MGA: variants seen among roughly 807,000 people sequenced by gnomAD.
MGA encodes the protein MAX dimerization protein MGA, also known as MAX gene-associated protein.
Under a neutral mutation model 261.1 loss-of-function variants are expected in MGA, and 40 were observed. The observed-to-expected ratio is 0.15, with a 90% CI of 0.12 to 0.20. MGA has a LOEUF of 0.20. Among genes scored for constraint, MGA ranks in the 10% least tolerant of loss-of-function variants. MGA has a pLI of 1.00. For synonymous variants in MGA, 1,302 were observed against 1,290.6 expected, an observed-to-expected ratio of 1.01 and a Z score of -0.19; for missense variants, 3,397 against 3,630.5, an observed-to-expected ratio of 0.94 and a Z score of 1.65.
At position 41,668,975 on chromosome 15, in the gene MGA, C is replaced by G; in HGVS notation, c.81C>G (p.Ile27Met). Reference sequence around the variant, plus strand: ...GAGCAGCACCTACCTTCTTTGTCATCTTAAAGCAGCCAGGAAATGGCAAAA... The same window carrying G: ...GAGCAGCACCTACCTTCTTTGTCATGTTAAAGCAGCCAGGAAATGGCAAAA... The change falls in exon 2 of 24, where the codon ATC becomes ATG. Residue 27 changes from isoleucine to methionine, a missense_variant. Ile to Met is a conservative substitution (Grantham distance 10). Transcript: ENST00000219905. 1 of 1,613,214 alleles carries G rather than the reference C, an allele frequency of 6.2e-7. No homozygotes were observed. The highest frequency in any genetic ancestry group is 8.5e-7 in the Non-Finnish European group (1 of 1,179,338).
chr15:41,715,886 A>C (rs2060608369), intron 9 of MGA, among the ~76,000 whole-genome samples: 1 of 152,114 alleles, frequency 6.6e-6, no homozygotes, highest in African/African-American at 2.4e-5. Context: ...CTCCCTTCTT[A>C]TGCTTAAGAC....
rs577900661 is a variant in MGA at position 41,669,002 on chromosome 15, T to C, written c.108T>C (p.Thr36=). Residue 36 remains threonine (T), a synonymous_variant, in exon 2 of 24, where the codon ACT becomes ACC. Transcript: ENST00000219905. ...TAAAGCAGCCAGGAAATGGCAAAAC[T>C]GATCAAGGAATTTTGGTTACTAATC... 1.9e-6 allele frequency: 3 copies of C among 1,613,686 alleles called. No individual in the cohort carries two copies. The African/African-American group carries it at 4.0e-5, about 22-fold the overall frequency.
At position 41,696,669 on chromosome 15, in the gene MGA, T is replaced by C. The variant is rs563625093; in HGVS notation, c.1659T>C (p.Tyr553=). Residue 553 remains tyrosine, a synonymous_variant, in exon 3 of 24, where the codon TAT becomes TAC. Coordinates refer to ENST00000219905, the MANE Select transcript of MGA (RefSeq NM_001164273.2). ...TACTGAAAGAGCCTCAGTGGAAATA[T>C]CCTGATATATCTGACAGCATTAGCA... is the stretch of plus-strand genomic sequence containing the variant. 2.3e-5 allele frequency: 37 copies of C among 1,612,884 alleles called. 2 individuals carry two copies. The South Asian group carries it at 3.7e-4, about 16-fold the overall frequency.
chr15:41,764,422 T>G (rs900605686), intron 22 of MGA, among the ~76,000 whole-genome samples: 41 of 152,008 alleles, frequency 2.7e-4, no homozygotes, highest in African/African-American at 9.9e-4. Flanking sequence ...CCTGGCTAAT[T>G]TTTTGTATTT....
In MGA at chr15:41,747,923, T is replaced by G. The variant is rs560854390; in HGVS notation, c.5213-714T>G. ...TGAAACTACAGAATTTCAGCAACTT[T>G]ATAATCCAAATTAGACGTTATTTGA... On this transcript the variant is annotated intron_variant, in intron 15 of 23. Coordinates refer to ENST00000219905, the MANE Select transcript of MGA (RefSeq NM_001164273.2). Among the ~76,000 whole-genome samples the G allele has an allele frequency of 2.0e-5, 3 of 152,308 alleles. No individual in the cohort carries two copies. The South Asian group carries it at 6.2e-4, about 32-fold the overall frequency.
At chr15:41,691,360 CAA>C (rs1473514261) in intron 2 of MGA, among the ~76,000 whole-genome samples, 1 of 151,962 alleles carries the variant, frequency 6.6e-6, no homozygotes, top group Admixed American at 6.6e-5. Flanking sequence ...TGTAGAAAAA[CAA>C]TTTGTGTGTG....
chr15:41,724,952 C>G (rs550549145), intron 9 of MGA, among the ~76,000 whole-genome samples: 1 of 152,232 alleles, frequency 6.6e-6, no homozygotes, highest in Admixed American at 6.5e-5. Context: ...TTACGAAAAT[C>G]AGGTAGCAGC....
Position 41,668,964 on chromosome 15 carries a change from T to G in MGA, c.70T>G (p.Phe24Val), listed in dbSNP as rs1366024427. The G allele has an allele frequency of 6.2e-7, 1 of 1,612,146 alleles. No individual in the cohort carries two copies. The highest frequency in any genetic ancestry group is 1.3e-5 in the African/African-American group (1 of 74,918). The change falls in exon 2 of 24, where the codon TTC (phenylalanine) becomes GTC (valine). Residue 24 changes from phenylalanine to valine, a missense_variant. Physicochemically the swap from Phe to Val is conservative, Grantham distance 50. Around this residue, in one of 9 missense-constraint regions of MGA, gnomAD observed 81 missense variants for 84.3 expected, o/e 0.96. Coordinates refer to ENST00000219905, the MANE Select transcript of MGA (RefSeq NM_001164273.2). ...AACAGTGGCAGGAGCAGCACCTACC[T>G]TCTTTGTCATCTTAAAGCAGCCAGG...
chr15:41,754,474 A>C lies in MGA; in HGVS notation c.7046A>C (p.His2349Pro), dbSNP rs2063028606. ...GAATACATTGAGGATGATGAGGAGC[A>C]CGTGGACATTGAGACTGTAGAAGAG... Residue 2349 changes from histidine to proline, a missense_variant, in exon 18 of 24, where the codon CAC (histidine) becomes CCC (proline). This residue lies in a region of MGA where 1,410 missense variants were observed against 1,386.4 expected (regional missense o/e 1.02). Coordinates refer to ENST00000219905, the MANE Select transcript of MGA (RefSeq NM_001164273.2). 1.3e-6 allele frequency: 2 copies of C among 1,560,378 alleles called. No individual in the cohort carries two copies. Among genetic ancestry groups the C allele is most frequent in the African/African-American group, 2.7e-5 (2 of 73,700 alleles).
intron 1 of MGA, among the ~76,000 whole-genome samples, chr15:41,624,157 T>C (rs1470438071): frequency 6.6e-6 from 1 of 151,758 alleles, no homozygotes; most frequent in East Asian, 1.9e-4. Flanking sequence ...CTCTGCTTCT[T>C]GGATTCAAGC....
intron 1 of MGA, among the ~76,000 whole-genome samples, chr15:41,651,727 CTT>C: frequency 1.6e-5 from 1 of 62,088 alleles, no homozygotes; most frequent in African/African-American, 6.1e-5. Flanking sequence ...TTCCCCTTCT[CTT>C]CTCCCCTTCC....
intron 12 of MGA, 86 bp from the exon 13 acceptor site, chr15:41,736,093 GAC>G: frequency 5.2e-6 from 6 of 1,145,128 alleles, no homozygotes; most frequent in Non-Finnish European, 7.1e-6. Flanking sequence ...GTGAGAATGT[GAC>G]AGTTTTTTTT....
At chr15:41,723,964 A>G (rs563902563) in intron 9 of MGA, among the ~76,000 whole-genome samples, 1 of 149,818 alleles carries the variant, frequency 6.7e-6, no homozygotes, top group Non-Finnish European at 1.5e-5. Context: ...GTATCTTAAG[A>G]GTTTTTTTTT....
Position 41,757,761 on chromosome 15 carries a change from A to G in MGA, c.7140-27A>G, listed in dbSNP as rs2063227582. Reference sequence around the variant, plus strand: ...TCTTAGATTATTAAATTTCAGTAAGACACTGAAAAATCCTGTCTTTATCCA... The same window carrying G: ...TCTTAGATTATTAAATTTCAGTAAGGCACTGAAAAATCCTGTCTTTATCCA... On this transcript the variant is annotated intron_variant, in intron 18 of 23. Transcript: ENST00000219905. 2.5e-6 allele frequency: 4 copies of G among 1,581,364 alleles called. No homozygotes were observed. In the East Asian group the frequency reaches 9.0e-5, roughly 35 times the overall value.
intron 1 of MGA, among the ~76,000 whole-genome samples, chr15:41,644,278 G>A (rs2056887125): frequency 6.6e-6 from 1 of 150,936 alleles, no homozygotes; most frequent in Admixed American, 6.6e-5. Flanking sequence ...GGAGGCTGAG[G>A]TGGGAGGATT....
At chr15:41,638,860 A>G (rs1438327047) in intron 1 of MGA, among the ~76,000 whole-genome samples, 3 of 151,186 alleles carry the variant, frequency 2.0e-5, no homozygotes, top group African/African-American at 2.4e-5. Flanking sequence ...CTGCGCCACC[A>G]TGCCTGCTAA....
intron 15 of MGA, among the ~76,000 whole-genome samples, chr15:41,746,470 G>T (rs567070400): frequency 6.6e-6 from 1 of 151,250 alleles, no homozygotes; most frequent in Non-Finnish European, 1.5e-5. Flanking sequence ...GCTTGAACCC[G>T]GGAGGCGGAG....
chr15:41,666,041 C>T (rs2057716781), intron 1 of MGA, among the ~76,000 whole-genome samples: 1 of 150,800 alleles, frequency 6.6e-6, no homozygotes, highest in African/African-American at 2.4e-5. Flanking sequence ...GCCTCAGCCT[C>T]CTGGCCACCA....
At chr15:41,765,088 G>A (rs1296650013) in intron 23 of MGA, 26 bp downstream of exon 23, 1 of 1,611,162 alleles carries the variant, frequency 6.2e-7, no homozygotes, top group Non-Finnish European at 8.5e-7. Flanking sequence ...TGTCCTCTAT[G>A]GGAAGTGATA....
Sources: gnomAD v4.1 joint callset for allele counts (sites outside exome capture counted in the v4.1 genomes callset) on GRCh38, gnomAD v4.1.1 for gene constraint, gnomAD v4.1.1 regional missense constraint, MANE v1.5 for transcripts, NCBI Gene and HGNC (gene_info 2026-07-23, HGNC 2026-07-21) for gene names.